Variants in PDE1A observed in about 807,000 individuals in gnomAD.
The protein encoded by PDE1A is dual specificity calcium/calmodulin-dependent 3',5'-cyclic nucleotide phosphodiesterase 1A.
PDE1A carries 35 observed loss-of-function variants against 61.7 expected under a neutral mutation model. The observed-to-expected ratio is 0.57, with a 90% CI of 0.43 to 0.75. The LOEUF (loss-of-function observed/expected upper bound fraction) is 0.75. Among genes scored for constraint, PDE1A ranks in the 30% least tolerant of loss-of-function variants. PDE1A has a pLI of 0.00. For synonymous variants in PDE1A, 232 were observed against 213.2 expected, an observed-to-expected ratio of 1.09 and a Z score of -0.77; for missense variants, 597 against 630.6, an observed-to-expected ratio of 0.95 and a Z score of 0.57.
chr2:182,569,524 G>A, the PDE1A span, among the ~76,000 whole-genome samples: 4 of 152,068 alleles, frequency 2.6e-5, no homozygotes, highest in Admixed American at 1.3e-4. Flanking sequence ...GATGGTAGAA[G>A]GAGAAAAGAA....
intron 1 of PDE1A, among the ~76,000 whole-genome samples, chr2:182,372,641 G>A (rs1462078057): frequency 2.0e-5 from 3 of 152,202 alleles, no homozygotes; most frequent in Non-Finnish European, 4.4e-5. Context: ...ACCCTGAAGA[G>A]TGAGAAGGTA....
intron 1 of PDE1A, among the ~76,000 whole-genome samples, chr2:182,348,210 G>A (rs1698638037): frequency 1.3e-5 from 2 of 152,142 alleles, no homozygotes; most frequent in Admixed American, 6.5e-5. Flanking sequence ...TAATAAGCCA[G>A]TATGGGCAAA....
chr2:182,407,607 C>G (rs1702373849), intron 1 of PDE1A, among the ~76,000 whole-genome samples: 1 of 152,080 alleles, frequency 6.6e-6, no homozygotes, highest in South Asian at 2.1e-4. Context: ...CTCTCAAACC[C>G]CTGGCCTCAA....
intron 1 of PDE1A, among the ~76,000 whole-genome samples, chr2:182,278,982 A>G (rs950339376): frequency 6.6e-6 from 1 of 152,020 alleles, no homozygotes; most frequent in Non-Finnish European, 1.5e-5. Context: ...TTTCCAACTC[A>G]GATACCTTAC....
intron 1 of PDE1A, among the ~76,000 whole-genome samples, chr2:182,279,385 A>G (rs1018316655): frequency 1.3e-5 from 2 of 151,716 alleles, no homozygotes; most frequent in Non-Finnish European, 2.9e-5. Context: ...GCCAATGACC[A>G]TCAAAACAGA....
intron 1 of PDE1A, among the ~76,000 whole-genome samples, chr2:182,292,880 T>C (rs1010490333): frequency 1.1e-4 from 16 of 152,116 alleles, no homozygotes; most frequent in Admixed American, 3.3e-4. Flanking sequence ...AATGAAGTCA[T>C]ATTGTATATA....
the PDE1A span, among the ~76,000 whole-genome samples, chr2:182,652,590 G>T: frequency 6.6e-6 from 1 of 152,128 alleles, no homozygotes; most frequent in Non-Finnish European, 1.5e-5. Context: ...CAGGATGTGA[G>T]GTGGGGCACA....
chr2:182,339,086 T>C (rs1445072702), intron 1 of PDE1A, among the ~76,000 whole-genome samples: 2 of 152,218 alleles, frequency 1.3e-5, no homozygotes, highest in Non-Finnish European at 2.9e-5. Flanking sequence ...AAGGATAACC[T>C]TGCCCTAACC....
chr2:182,614,155 G>A, the PDE1A span, among the ~76,000 whole-genome samples: 1 of 152,206 alleles, frequency 6.6e-6, no homozygotes, highest in South Asian at 2.1e-4. Context: ...CAAGTTGATA[G>A]AACCTACATA....
chr2:182,628,054 G>GCACACACACA, the PDE1A span, among the ~76,000 whole-genome samples: 2 of 150,658 alleles, frequency 1.3e-5, no homozygotes, highest in African/African-American at 4.9e-5. Context: ...GTGTATGTGT[G>GCACACACACA]CACACACACA....
chr2:182,494,308 A>AG (rs1553631903), intron 2 of PDE1A, among the ~76,000 whole-genome samples: 1 of 128,274 alleles, frequency 7.8e-6, no homozygotes, highest in Non-Finnish European at 1.7e-5. Flanking sequence ...CAAAAAAAAA[A>AG]GAAAAGAAAA....
Position 182,249,472 on chromosome 2 carries a change from T to C in PDE1A, c.168-9180A>G, listed in dbSNP as rs539471528. Among the ~76,000 whole-genome samples, 16 of 152,198 alleles carry C rather than the reference T, an allele frequency of 1.1e-4. No homozygotes were observed. The South Asian group carries it at 3.3e-3, about 32-fold the overall frequency. On this transcript the variant is annotated intron_variant, in intron 2 of 13. Transcript: ENST00000351439. ...GGAGAGGAACACCAAAGAGAGCCCT[T>C]GTCAGGCCCCCTGAAGTGGGGAATC...
chr2:182,657,174 G>C, the PDE1A span, among the ~76,000 whole-genome samples: 1 of 152,160 alleles, frequency 6.6e-6, no homozygotes, highest in South Asian at 2.1e-4. Context: ...AGTGAGCCAA[G>C]GTCGCGCCAC....
chr2:182,367,335 G>T (rs1272034264), intron 1 of PDE1A, among the ~76,000 whole-genome samples: 2 of 151,876 alleles, frequency 1.3e-5, no homozygotes, highest in African/African-American at 4.8e-5. Context: ...TTGTTCATTT[G>T]TTTACAAGAG....
intron 2 of PDE1A, among the ~76,000 whole-genome samples, chr2:182,440,543 T>C (rs900853996): frequency 6.6e-6 from 1 of 152,060 alleles, no homozygotes; most frequent in African/African-American, 2.4e-5. Flanking sequence ...TTTTCATTTA[T>C]GAAGAAGAAA....
intron 1 of PDE1A, among the ~76,000 whole-genome samples, chr2:182,353,978 A>G (rs1484165556): frequency 1.3e-5 from 2 of 152,114 alleles, no homozygotes; most frequent in African/African-American, 2.4e-5. Flanking sequence ...CTTTGAAAAT[A>G]TATCACTTTG....
intron 2 of PDE1A, among the ~76,000 whole-genome samples, chr2:182,515,086 A>G (rs559146932): frequency 6.6e-6 from 1 of 152,326 alleles, no homozygotes; most frequent in South Asian, 2.1e-4. Context: ...GGTATCATTC[A>G]TTAGCACTTC....
At chr2:182,519,271 G>A (rs1033929468) in intron 2 of PDE1A, among the ~76,000 whole-genome samples, 7 of 152,126 alleles carry the variant, frequency 4.6e-5, no homozygotes, top group African/African-American at 1.7e-4. Flanking sequence ...GATAACTTAT[G>A]GCCAAGTATA....
At chr2:182,654,134 T>C in the PDE1A span, among the ~76,000 whole-genome samples, 1 of 152,182 alleles carries the variant, frequency 6.6e-6, no homozygotes, top group Non-Finnish European at 1.5e-5. Flanking sequence ...TCTTGATTGA[T>C]AGAGATTGAA....
Sources: gnomAD v4.1 joint callset for allele counts (sites outside exome capture counted in the v4.1 genomes callset) on GRCh38, gnomAD v4.1.1 for gene constraint, MANE v1.5 for transcripts, NCBI Gene and HGNC (gene_info 2026-07-23, HGNC 2026-07-21) for gene names.